OGDHL: variants seen among roughly 807,000 people sequenced by gnomAD.
OGDHL encodes the protein oxoglutarate dehydrogenase L, also known as 2-oxoglutarate dehydrogenase-like, mitochondrial.
Under a neutral mutation model 109.6 loss-of-function variants are expected in OGDHL, and 79 were observed. That is an observed-to-expected ratio of 0.72 (90% CI 0.60 to 0.87). The LOEUF is 0.87. Among genes scored for constraint, OGDHL ranks in the 40% least tolerant of loss-of-function variants. The pLI, the probability that OGDHL is intolerant of heterozygous loss-of-function variation, is 0.00. For missense variants in OGDHL, 1,275 were observed against 1,362.2 expected (o/e 0.94, Z 1.01); for synonymous variants, 528 against 537.2 (o/e 0.98, Z 0.24).
intron 16 of OGDHL, 72 bp downstream of exon 16, chr10:49,740,638 G>T (rs1841577582): frequency 6.5e-7 from 1 of 1,548,824 alleles, no homozygotes; most frequent in Non-Finnish European, 8.7e-7. Flanking sequence ...CCTGGCCCCG[G>T]TCCCTTCCCA....
chr10:49,757,931 T>C (rs917298297), intron 2 of OGDHL, among the ~76,000 whole-genome samples: 3 of 152,218 alleles, frequency 2.0e-5, no homozygotes, highest in South Asian at 2.1e-4. Context: ...TGTAACTTCT[T>C]ATACCTTCTG....
chr10:49,758,823 C>T (rs1843081856), intron 1 of OGDHL: 1 of 591,988 alleles, frequency 1.7e-6, no homozygotes, highest in Admixed American at 2.9e-5. Flanking sequence ...CAGCCCTGAG[C>T]CCCAGCCCTG....
chr10:49,742,428 CACACATACAACAAACACA>C (rs1841820297), intron 15 of OGDHL, among the ~76,000 whole-genome samples: 1 of 146,236 alleles, frequency 6.8e-6, no homozygotes. Context: ...ACATACACAC[CACACATACAACAAACACA>C]CCACACACAC....
At chr10:49,739,927 C>T in intron 16 of OGDHL, 88 bp from the exon 17 acceptor site, 1 of 1,338,826 alleles carries the variant, frequency 7.5e-7, no homozygotes, top group Non-Finnish European at 1.0e-6. Flanking sequence ...AGTATATCCT[C>T]CATGCCCCCA....
At chr10:49,741,974 C>CACACACT (rs754631498) in intron 15 of OGDHL, among the ~76,000 whole-genome samples, 54,307 of 144,788 alleles carry the variant, frequency 0.38, 11,822 homozygotes, top group East Asian at 0.84. Flanking sequence ...ACATACACTA[C>CACACACT]ACACACACAA....
chr10:49,752,152 T>C lies in OGDHL; in HGVS notation c.575A>G (p.Glu192Gly). 6.2e-7 allele frequency: 1 copy of C among 1,614,016 alleles called. No individual in the cohort carries two copies. Among genetic ancestry groups the C allele is most frequent in the Non-Finnish European group, 8.5e-7 (1 of 1,180,002 alleles). The change falls in exon 5 of 23, where the codon GAG becomes GGG. Residue 192 changes from glutamate to glycine, a missense_variant. Transcript: ENST00000374103. ...GCTCACCTCCAGGCGCCGAATGATC[T>C]CCCGCAGAGAGAGGGTGTTTTCAGA... Reference protein sequence around the residue: ...GGSENTLSLREIIRRLENTYC... With the variant: ...GGSENTLSLRGIIRRLENTYC...
intron 15 of OGDHL, 58 bp downstream of exon 15, chr10:49,742,770 C>G: frequency 6.4e-7 from 1 of 1,562,672 alleles, no homozygotes; most frequent in Non-Finnish European, 8.7e-7. Context: ...GATCCCCAAG[C>G]CAGGCCCAGC....
chr10:49,747,481 C>T (rs1024300032), intron 8 of OGDHL, among the ~76,000 whole-genome samples: 4 of 152,152 alleles, frequency 2.6e-5, no homozygotes, highest in African/African-American at 7.2e-5. Flanking sequence ...GGCCATCCAG[C>T]GGTGGGGAAG....
Position 49,746,835 on chromosome 10 carries a change from TGGCCAGCAAA to T in OGDHL, c.1201_1210del (p.Phe401ArgfsTer10). 1 of 1,613,992 alleles carries T rather than the reference TGGCCAGCAAA, an allele frequency of 6.2e-7. No homozygotes were observed. The highest frequency in any genetic ancestry group is 2.2e-5 in the East Asian group (1 of 44,852). ...GTGGAAGGTCTCATATACCACGCCC[TGGCCAGCAAA>T]GGCGGCGTCCCCATGAACCAGGATG... On this transcript the variant is annotated frameshift_variant, in exon 10 of 23. Transcript: ENST00000374103. LOFTEE classifies it high-confidence loss of function.
At chr10:49,745,645 C>A in intron 11 of OGDHL, 149 bp from the exon 12 acceptor site, 1 of 1,306,620 alleles carries the variant, frequency 7.7e-7, no homozygotes, top group East Asian at 2.4e-5. Context: ...ATGTCCCGTC[C>A]CAGGCCTTTG....
In OGDHL at chr10:49,741,007, TGTG is replaced by T. The variant is rs148316073; in HGVS notation, c.2013-173_2013-171del. Among the ~76,000 whole-genome samples, 901 of 152,240 alleles carry T rather than the reference TGTG, an allele frequency of 5.9e-3. 15 individuals are homozygous for T. The highest frequency in any genetic ancestry group is 0.021 in the African/African-American group (871 of 41,530). ...AGAAGGCTGTGGAAAACCAGAGCCA[TGTG>T]GTCCCTCCTGCAGCCTGTCCCCCAC... On this transcript the variant is annotated intron_variant, in intron 15 of 22. Transcript: ENST00000374103.
chr10:49,758,268 C>G, intron 2 of OGDHL, 121 bp downstream of exon 2: 1 of 996,732 alleles, frequency 1.0e-6, no homozygotes, highest in Non-Finnish European at 1.5e-6. Flanking sequence ...ACCTGAGAGG[C>G]AAAGAAACCT....
chr10:49,753,787 G>A (rs1371914718), intron 3 of OGDHL, among the ~76,000 whole-genome samples: 1 of 151,818 alleles, frequency 6.6e-6, no homozygotes, highest in African/African-American at 2.4e-5. Flanking sequence ...CTACTTGGGA[G>A]GATGAGGCAG....
In OGDHL at chr10:49,744,001, G is replaced by A. The variant is rs1168364371; in HGVS notation, c.1854C>T (p.Ile618=). ...CCTGTCCAGCAACCTCACCAGTGTG[G>A]ATCTTAAAGTCCTCCAGGGGCACAG... ...ASSVPLEDFK[I]HTGLSRILRG... Residue 618 remains isoleucine, a synonymous_variant, in exon 14 of 23, where the codon ATC becomes ATT. Transcript: ENST00000374103. 6.2e-7 allele frequency: 1 copy of A among 1,613,652 alleles called. No homozygotes were observed. The highest frequency in any genetic ancestry group is 1.3e-5 in the African/African-American group (1 of 74,932).
intron 3 of OGDHL, among the ~76,000 whole-genome samples, chr10:49,755,448 G>A (rs935770882): frequency 6.6e-5 from 10 of 152,326 alleles, no homozygotes; most frequent in African/African-American, 2.4e-4. Context: ...CAGTGAGCGG[G>A]GGCTAAGGGG....
In OGDHL at chr10:49,735,104, G is replaced by T; in HGVS notation, c.*124C>A. 8.2e-7 allele frequency: 1 copy of T among 1,225,840 alleles called. No homozygotes were observed. The highest frequency in any genetic ancestry group is 1.1e-6 in the Non-Finnish European group (1 of 876,908). 75.9% of individuals were successfully genotyped at this position (1,225,840 alleles called of 1,614,324 possible). ...AGTGCTGGCTCTTGGCCCTGTCACT[G>T]TGTCTGTTTTATCCTGGGGCCCCAC... On this transcript the variant is annotated 3_prime_UTR_variant, in exon 23 of 23. Transcript: ENST00000374103.
chr10:49,734,960 G>A lies in OGDHL; in HGVS notation c.*268C>T, dbSNP rs1449021065. On this transcript the variant is annotated 3_prime_UTR_variant, in exon 23 of 23. Transcript: ENST00000374103. ...GTCTTGAGATACAGGTGGAGAAGCC[G>A]CCCAAGAAATTCCAGCAAGATGGGA... The A allele has an allele frequency of 3.1e-5, 9 of 290,578 alleles. No homozygotes were observed. Among genetic ancestry groups the A allele is most frequent in the Admixed American group, 5.1e-5 (1 of 19,770 alleles). 18.0% of individuals were successfully genotyped at this position (290,578 alleles called of 1,614,324 possible). A position where few individuals can be genotyped will look rare whatever the true frequency, so the allele number is the denominator to read the frequency against.
Position 49,761,934 on chromosome 10 carries a change from G to T in OGDHL, c.-2+305C>A, listed in dbSNP as rs564330974. ...CCCTCCCCTGGCCACGGAAGGCGCG[G>T]GGCAGTCTGAAGTCCTCGGGCTGGA... On this transcript the variant is annotated intron_variant, in intron 1 of 22. Transcript: ENST00000374103. Among the ~76,000 whole-genome samples, 3 of 152,330 alleles carry T rather than the reference G, an allele frequency of 2.0e-5. No individual in the cohort carries two copies. The East Asian group carries it at 5.8e-4, about 29-fold the overall frequency.
At chr10:49,741,962 C>G (rs887537292) in intron 15 of OGDHL, among the ~76,000 whole-genome samples, 2 of 115,288 alleles carry the variant, frequency 1.7e-5, no homozygotes, top group Non-Finnish European at 4.0e-5. Flanking sequence ...ACCACACACA[C>G]TACATACACT....
Sources: allele counts gnomAD v4.1 joint callset (sites outside exome capture counted in the v4.1 genomes callset), GRCh38; gene constraint gnomAD v4.1.1; transcripts MANE v1.5; gene names NCBI Gene and HGNC (gene_info 2026-07-23, HGNC 2026-07-21).